CCDC62: variants seen among roughly 807,000 people sequenced by gnomAD.
CCDC62 encodes the protein coiled-coil domain-containing protein 62.
CCDC62 carries 72 observed loss-of-function variants against 80.8 expected under a neutral mutation model. That is an observed-to-expected ratio of 0.89 (90% confidence interval 0.74 to 1.08). The LOEUF is 1.08. CCDC62 is among the 50% of genes least tolerant of loss of function. CCDC62 has a pLI of 0.00. For synonymous variants in CCDC62, 286 were observed against 296.5 expected (o/e 0.96, Z 0.36); for missense variants, 704 against 809.4 (o/e 0.87, Z 1.58).
intron 3 of CCDC62, 73 bp downstream of exon 3, chr12:122,781,403 T>G: frequency 6.7e-7 from 1 of 1,495,234 alleles, no homozygotes; most frequent in Non-Finnish European, 9.3e-7. Context: ...AAATTAGATT[T>G]GACCGGGCAC....
intron 11 of CCDC62, among the ~76,000 whole-genome samples, chr12:122,820,485 G>A (rs80238884): frequency 6.6e-6 from 1 of 152,078 alleles, no homozygotes; most frequent in Non-Finnish European, 1.5e-5. Context: ...GGCCTTTCTC[G>A]TGGCAGGCTG....
intron 10 of CCDC62, among the ~76,000 whole-genome samples, chr12:122,812,775 GAGAGAAAGAAAGAA>G (rs1397323432): frequency 5.4e-5 from 4 of 74,492 alleles, no homozygotes; most frequent in East Asian, 3.1e-4. Flanking sequence ...GAGAGAGAGA[GAGAGAAAGAAAGAA>G]AGAAAGAAAG....
At chr12:122,819,447 C>A (rs1230893172) in intron 11 of CCDC62, among the ~76,000 whole-genome samples, 1 of 152,174 alleles carries the variant, frequency 6.6e-6, no homozygotes, top group Non-Finnish European at 1.5e-5. Flanking sequence ...TTCTAAAAAT[C>A]ACTGAAGAAC....
chr12:122,781,263 C>T lies in CCDC62; in HGVS notation c.329C>T (p.Thr110Ile). 6.2e-7 allele frequency: 1 copy of T among 1,614,082 alleles called. No individual in the cohort carries two copies. The highest frequency in any genetic ancestry group is 1.1e-5 in the South Asian group (1 of 91,088). The change falls in exon 3 of 13, where the codon ACC becomes ATC. Residue 110 changes from threonine (T) to isoleucine (I), a missense_variant. Thr to Ile is a moderately conservative substitution (Grantham distance 89). Transcript: ENST00000253079. ...GAATGCCAAACAGCTCTCCAAAAGA[C>T]CCAACTACAGCTTCAGGAAATGGCT... ...QMECQTALQK[T>I]QLQLQEMAQK...
intron 10 of CCDC62, among the ~76,000 whole-genome samples, chr12:122,811,262 A>G (rs1272832426): frequency 2.4e-5 from 3 of 124,726 alleles, no homozygotes; most frequent in Non-Finnish European, 4.8e-5. Context: ...CCCAGGCTGG[A>G]GTGCAATGGC....
At chr12:122,802,131 TG>T (rs942203706) in intron 9 of CCDC62, among the ~76,000 whole-genome samples, 3 of 152,148 alleles carry the variant, frequency 2.0e-5, no homozygotes, top group African/African-American at 7.2e-5. Flanking sequence ...TGTTATGACT[TG>T]GGCAGATATG....
chr12:122,784,837 TAAAACA>T (rs1014323917), intron 3 of CCDC62, among the ~76,000 whole-genome samples: 84 of 142,238 alleles, frequency 5.9e-4, no homozygotes, highest in Admixed American at 1.3e-3. Context: ...CCTATCTCTT[TAAAACA>T]AAAACAAAAA....
At chr12:122,807,934 T>G (rs78840932) in intron 10 of CCDC62, among the ~76,000 whole-genome samples, 4,877 of 152,282 alleles carry the variant, frequency 0.032, 266 homozygotes, top group African/African-American at 0.11. Context: ...TGTATATAAA[T>G]AATTCCTTTT....
chr12:122,809,415 G>A (rs984429636), intron 10 of CCDC62, among the ~76,000 whole-genome samples: 4 of 152,166 alleles, frequency 2.6e-5, no homozygotes, highest in African/African-American at 4.8e-5. Flanking sequence ...ACTTGAGCCC[G>A]GGAGGCGGAG....
chr12:122,816,574 T>G (rs186694984), intron 11 of CCDC62, among the ~76,000 whole-genome samples: 1 of 151,896 alleles, frequency 6.6e-6, no homozygotes, highest in Non-Finnish European at 1.5e-5. Context: ...AAATAAAAAA[T>G]TTTTTTTAAT....
chr12:122,810,724 T>G (rs1256548243), intron 10 of CCDC62, among the ~76,000 whole-genome samples: 2 of 152,194 alleles, frequency 1.3e-5, no homozygotes, highest in Non-Finnish European at 2.9e-5. Flanking sequence ...TGCACACGTA[T>G]GTTTATTGTG....
chr12:122,797,976 A>G (rs2135554295), intron 7 of CCDC62, 109 bp from the exon 8 acceptor site: 2 of 632,110 alleles, frequency 3.2e-6, no homozygotes, highest in Non-Finnish European at 5.7e-6. Flanking sequence ...TCTAGTAACT[A>G]TCTGACCTGT....
Position 122,827,025 on chromosome 12 carries a change from C to T in CCDC62, c.*644C>T, listed in dbSNP as rs985786328. ...GGTCTATATTAGTCCCACCTACTGA[C>T]ACAAACAAAAGCTTGCTGGAAGATC... On this transcript the variant is annotated 3_prime_UTR_variant, in exon 13 of 13. Coordinates refer to ENST00000253079, the MANE Select transcript of CCDC62 (RefSeq NM_201435.5). 6.6e-6 allele frequency: 1 copy of T among 152,192 alleles called. No individual in the cohort carries two copies. The highest frequency in any genetic ancestry group is 2.4e-5 in the African/African-American group (1 of 41,452). 9.4% of individuals were successfully genotyped at this position (152,192 alleles called of 1,614,324 possible). A position where few individuals can be genotyped will look rare whatever the true frequency, so the allele number is the denominator to read the frequency against.
chr12:122,814,797 C>A (rs1593831534), intron 11 of CCDC62, among the ~76,000 whole-genome samples: 1 of 151,846 alleles, frequency 6.6e-6, no homozygotes, highest in East Asian at 1.9e-4. Flanking sequence ...CATGAGCCAC[C>A]CTGCCCGGCC....
chr12:122,808,001 T>C (rs1026644642), intron 10 of CCDC62, among the ~76,000 whole-genome samples: 4 of 152,148 alleles, frequency 2.6e-5, no homozygotes, highest in African/African-American at 9.7e-5. Flanking sequence ...AAAGTAAGTA[T>C]GGTCTTTGTC....
Position 122,781,177 on chromosome 12 carries a change from A to AAGAACTGAAAT in CCDC62, c.245_255dup (p.Ile86GlufsTer4). On this transcript the variant is annotated frameshift_variant, in exon 3 of 13. Transcript: ENST00000253079. LOFTEE classifies it high-confidence loss of function. ...AACTTCCCTCAGGTGAACTACATAA[A>AAGAACTGAAAT]AGAACTGAAATAATCAGGTCACTCA... 1.2e-6 allele frequency: 2 copies of AAGAACTGAAAT among 1,613,238 alleles called. No homozygotes were observed. The highest frequency in any genetic ancestry group is 1.7e-6 in the Non-Finnish European group (2 of 1,179,758).
intron 2 of CCDC62, among the ~76,000 whole-genome samples, chr12:122,779,175 T>C (rs933439666): frequency 6.6e-6 from 1 of 152,160 alleles, no homozygotes; most frequent in East Asian, 1.9e-4. Context: ...CCAATAAATA[T>C]ATTAAAAGTT....
At chr12:122,813,683 T>G (rs1331821408) in intron 11 of CCDC62, among the ~76,000 whole-genome samples, 1 of 151,914 alleles carries the variant, frequency 6.6e-6, no homozygotes, top group Admixed American at 6.6e-5. Flanking sequence ...GGGTACAGAG[T>G]TTTGCTCTTG....
At chr12:122,794,468 G>A (rs996456230) in intron 6 of CCDC62, among the ~76,000 whole-genome samples, 2 of 152,132 alleles carry the variant, frequency 1.3e-5, no homozygotes, top group Non-Finnish European at 2.9e-5. Context: ...GCCCCAAAGC[G>A]TTGGGATTAC....
Sources: allele counts gnomAD v4.1 joint callset (sites outside exome capture counted in the v4.1 genomes callset), GRCh38; gene constraint gnomAD v4.1.1; transcripts MANE v1.5; gene names NCBI Gene and HGNC (gene_info 2026-07-23, HGNC 2026-07-21).